The following PCDHAC1 variants were observed in gnomAD, a reference collection of about 807,000 sequenced individuals.
The protein encoded by PCDHAC1 is protocadherin alpha-C1.
A neutral mutation model predicts 60.0 loss-of-function variants in PCDHAC1; 42 were observed. The ratio of observed to expected loss-of-function variants is 0.70; its 90% CI spans 0.55 to 0.90. PCDHAC1 has a LOEUF of 0.90. PCDHAC1 is among the 40% of genes least tolerant of loss of function. The probability of loss-of-function intolerance (pLI) is 0.00; values close to 1 mark genes in which losing one functional copy is unlikely to be tolerated. For synonymous variants in PCDHAC1, 468 were observed against 499.3 expected, an observed-to-expected ratio of 0.94 and a Z score of 0.84; for missense variants, 1,160 against 1,222.3, an observed-to-expected ratio of 0.95 and a Z score of 0.76.
At chr5:140,951,507 C>A (rs2094591964) in intron 1 of PCDHAC1, among the ~76,000 whole-genome samples, 1 of 151,952 alleles carries the variant, frequency 6.6e-6, no homozygotes, top group African/African-American at 2.4e-5. Flanking sequence ...AAAAGGAAAG[C>A]GGCTCATCTT....
chr5:141,004,423 C>T (rs2098165944), intron 3 of PCDHAC1, among the ~76,000 whole-genome samples: 1 of 152,202 alleles, frequency 6.6e-6, no homozygotes, highest in Non-Finnish European at 1.5e-5. Context: ...TCTCTGCCTC[C>T]TGGAGTTTAG....
Position 141,010,476 on chromosome 5 carries a change from G to T in PCDHAC1, c.*539G>T. ...GAAGTTATCAGTATGGAGGGGAAGT[G>T]TAAACTTAAAGGGACCAGACTTTCT... is the stretch of plus-strand genomic sequence containing the variant. On this transcript the variant is annotated 3_prime_UTR_variant, in exon 4 of 4. Coordinates refer to ENST00000253807, the MANE Select transcript of PCDHAC1 (RefSeq NM_018898.5). 1.3e-6 allele frequency: 1 copy of T among 752,476 alleles called. No individual in the cohort carries two copies. Among genetic ancestry groups the T allele is most frequent in the Non-Finnish European group, 2.0e-6 (1 of 499,640 alleles). The allele number at this position is 752,476 out of a possible 1,614,324, so 46.6% of individuals were successfully genotyped here. A position where few individuals can be genotyped will look rare whatever the true frequency, so the allele number is the denominator to read the frequency against.
At chr5:140,977,141 C>T (rs1264237183) in intron 1 of PCDHAC1, among the ~76,000 whole-genome samples, 1 of 152,204 alleles carries the variant, frequency 6.6e-6, no homozygotes, top group Non-Finnish European at 1.5e-5. Flanking sequence ...GTCAGTCCTG[C>T]TGGAACTGTG....
At chr5:140,936,768 G>C (rs1554211177) in intron 1 of PCDHAC1, among the ~76,000 whole-genome samples, 2 of 152,042 alleles carry the variant, frequency 1.3e-5, no homozygotes, top group African/African-American at 4.8e-5. Flanking sequence ...AATTGTGTAA[G>C]TTCTCTCACT....
chr5:140,980,981 A>G (rs1255751936), intron 2 of PCDHAC1, among the ~76,000 whole-genome samples: 1 of 152,188 alleles, frequency 6.6e-6, no homozygotes, highest in Non-Finnish European at 1.5e-5. Context: ...GACTGAGCCC[A>G]CACAATTTGC....
chr5:140,979,947 A>G (rs781881758), intron 2 of PCDHAC1, among the ~76,000 whole-genome samples: 4 of 152,258 alleles, frequency 2.6e-5, no homozygotes, highest in African/African-American at 4.8e-5. Context: ...AGTTAATGTG[A>G]AATTAGTTTT....
chr5:140,978,240 C>G (rs1290697340), intron 1 of PCDHAC1, among the ~76,000 whole-genome samples: 1 of 152,174 alleles, frequency 6.6e-6, no homozygotes, highest in African/African-American at 2.4e-5. Flanking sequence ...TGGATTTCAG[C>G]TACTCCCTGT....
At chr5:140,968,877 T>A in intron 1 of PCDHAC1, 1 of 1,614,226 alleles carries the variant, frequency 6.2e-7, no homozygotes, top group South Asian at 1.1e-5. Flanking sequence ...TACTCTGAAA[T>A]TACCCTTTAT....
In PCDHAC1 at chr5:140,972,316, G is replaced by GT. The variant is rs112435719; in HGVS notation, c.2434-6621dup. On this transcript the variant is annotated intron_variant, in intron 1 of 3. Coordinates refer to ENST00000253807, the MANE Select transcript of PCDHAC1 (RefSeq NM_018898.5). ...CACCGTGTCTGACTAGTTTTTAGGT[G>GT]TTTTTTTTTTTTGGAAGAGATGGGG... 6.7e-3 allele frequency among the ~76,000 whole-genome samples: 929 copies of GT among 139,652 alleles called. 6 individuals carry two copies. The highest frequency in any genetic ancestry group is 0.017 in the African/African-American group (645 of 38,294). The allele number at this position is 139,652 out of a possible 152,430, so 91.6% of individuals were successfully genotyped here.
intron 1 of PCDHAC1, among the ~76,000 whole-genome samples, chr5:140,934,050 C>G (rs558726288): frequency 6.6e-6 from 1 of 151,834 alleles, no homozygotes; most frequent in African/African-American, 2.4e-5. Flanking sequence ...TTAGTCTTTC[C>G]AAGGCTAACT....
intron 3 of PCDHAC1, among the ~76,000 whole-genome samples, chr5:140,998,827 G>T (rs2097835809): frequency 6.6e-6 from 1 of 152,226 alleles, no homozygotes; most frequent in South Asian, 2.1e-4. Context: ...GCCTCCCAAA[G>T]TGCTGGATTA....
intron 3 of PCDHAC1, among the ~76,000 whole-genome samples, chr5:140,999,225 G>C (rs543011633): frequency 1.3e-5 from 2 of 152,222 alleles, no homozygotes; most frequent in Non-Finnish European, 2.9e-5. Context: ...CTACATTTGA[G>C]AATAGGTGGT....
chr5:140,932,088 T>G (rs2088018403), intron 1 of PCDHAC1, among the ~76,000 whole-genome samples: 1 of 151,932 alleles, frequency 6.6e-6, no homozygotes, highest in Non-Finnish European at 1.5e-5. Context: ...CAGGAAAACA[T>G]GGTTTTTATC....
intron 3 of PCDHAC1, among the ~76,000 whole-genome samples, chr5:140,998,369 C>T (rs530777656): frequency 1.3e-5 from 2 of 152,210 alleles, no homozygotes; most frequent in South Asian, 2.1e-4. Context: ...CTGCACACAC[C>T]GTCTCTAGAA....
chr5:140,995,383 G>A (rs909887279), intron 3 of PCDHAC1, among the ~76,000 whole-genome samples: 2 of 152,158 alleles, frequency 1.3e-5, no homozygotes, highest in African/African-American at 4.8e-5. Flanking sequence ...TACTGGGCAG[G>A]ATAAAGCGGG....
chr5:140,942,108 A>C (rs2093230471), intron 1 of PCDHAC1, among the ~76,000 whole-genome samples: 1 of 152,238 alleles, frequency 6.6e-6, no homozygotes. Context: ...TCATATAATC[A>C]AACTTTATTA....
chr5:140,951,545 G>C (rs1019007635), intron 1 of PCDHAC1, among the ~76,000 whole-genome samples: 2 of 151,950 alleles, frequency 1.3e-5, no homozygotes, highest in Admixed American at 6.6e-5. Context: ...GCAAGGGACG[G>C]GGGGAAGTGC....
chr5:140,952,058 T>A (rs889374877), intron 1 of PCDHAC1, among the ~76,000 whole-genome samples: 7 of 151,978 alleles, frequency 4.6e-5, no homozygotes, highest in Non-Finnish European at 8.8e-5. Context: ...ATCTTAAAGC[T>A]CCAAATAATC....
rs1382247797 is a variant in PCDHAC1 at position 141,012,282 on chromosome 5, C to T, written c.*2345C>T. 2.6e-5 allele frequency: 4 copies of T among 153,718 alleles called. No individual in the cohort carries two copies. Among genetic ancestry groups the T allele is most frequent in the Non-Finnish European group, 4.4e-5 (3 of 68,036 alleles). 9.5% of individuals were successfully genotyped at this position (153,718 alleles called of 1,614,324 possible). Reference sequence around the variant, plus strand: ...AAGGATAAAACACGTCATGTGGATTCATTTTGAATTGGTGCTATTGGTATT... The same window carrying T: ...AAGGATAAAACACGTCATGTGGATTTATTTTGAATTGGTGCTATTGGTATT... On this transcript the variant is annotated 3_prime_UTR_variant, in exon 4 of 4. Coordinates refer to ENST00000253807, the MANE Select transcript of PCDHAC1 (RefSeq NM_018898.5).
Sources: gnomAD v4.1 joint callset for allele counts (sites outside exome capture counted in the v4.1 genomes callset) on GRCh38, gnomAD v4.1.1 for gene constraint, MANE v1.5 for transcripts, NCBI Gene and HGNC (gene_info 2026-07-23, HGNC 2026-07-21) for gene names.